The following IFI16 variants were observed in gnomAD, a reference collection of about 807,000 sequenced individuals.
IFI16 encodes the protein gamma-interferon-inducible protein 16.
A neutral mutation model predicts 68.4 loss-of-function variants in IFI16; 49 were observed. The observed-to-expected ratio is 0.72, with a 90% confidence interval of 0.57 to 0.91. The LOEUF (loss-of-function observed/expected upper bound fraction) is 0.91, where lower values mean the gene tolerates loss of function less well. Ranked by LOEUF, IFI16 falls within the 40% of genes least tolerant of loss-of-function variation. The pLI is 0.00. For missense variants in IFI16, 878 were observed against 942.9 expected (o/e 0.93, Z 0.90); for synonymous variants, 307 against 315.0 (o/e 0.97, Z 0.27).
chr1:159,008,652 G>A (rs899282419), upstream of IFI16, among the ~76,000 whole-genome samples: 3 of 152,054 alleles, frequency 2.0e-5, no homozygotes, highest in African/African-American at 4.8e-5. Flanking sequence ...TCTACCTACT[G>A]CCTTAAGGCC....
intron 6 of IFI16, among the ~76,000 whole-genome samples, chr1:159,027,136 T>C (rs1101994): frequency 0.66 from 99,872 of 152,110 alleles, 36,768 homozygotes; most frequent in Admixed American, 0.81. Flanking sequence ...AATTTTTCCC[T>C]GACCAGTATA....
chr1:159,022,120 C>T (rs1323271962), intron 6 of IFI16, among the ~76,000 whole-genome samples: 2 of 151,892 alleles, frequency 1.3e-5, no homozygotes, highest in Non-Finnish European at 2.9e-5. Flanking sequence ...CCCGCCACCG[C>T]CCCCGGCTAA....
Position 159,015,877 on chromosome 1 carries a change from G to C in IFI16, c.271G>C (p.Gly91Arg), listed in dbSNP as rs764617522. 1 of 1,610,386 alleles carries C rather than the reference G, an allele frequency of 6.2e-7. No individual in the cohort carries two copies. The highest frequency in any genetic ancestry group is 1.3e-5 in the African/African-American group (1 of 74,842). ...TAAAATTGAATCTATTCCAGTAAAA[G>C]GACCAGCCCTATCAAGAAAGAGGAA... is the stretch of plus-strand genomic sequence containing the variant. Reference protein sequence around the residue: ...TLKKEKLKVKGPALSRKRKKE... With the variant: ...TLKKEKLKVKRPALSRKRKKE... Residue 91 changes from glycine to arginine, a missense_variant, in exon 3 of 12, where the codon GGA becomes CGA. Coordinates refer to ENST00000295809, the MANE Select transcript of IFI16 (RefSeq NM_001376587.1).
In IFI16 at chr1:159,016,649, C is replaced by A. The variant is rs770141510; in HGVS notation, c.498C>A (p.Ser166=). 5 of 1,614,152 alleles carry A rather than the reference C, an allele frequency of 3.1e-6. No homozygotes were observed. The Admixed American group carries it at 8.3e-5, about 27-fold the overall frequency. ...GCATGTCCACAGCCATGGGCCGTTC[C>A]CCATCTCCCAAGACCTCATTGTCAG... is the stretch of plus-strand genomic sequence containing the variant. ...GAGMSTAMGR[S]PSPKTSLSAP... Residue 166 remains serine (S), a synonymous_variant, in exon 4 of 12, where the codon TCC becomes TCA. Transcript: ENST00000295809.
intron 7 of IFI16, among the ~76,000 whole-genome samples, chr1:159,041,991 A>C (rs554696537): frequency 1.4e-4 from 21 of 152,308 alleles, no homozygotes; most frequent in Admixed American, 4.6e-4. Context: ...CAACCCTTCT[A>C]AATAAGCAAT....
chr1:159,042,898 AAGGCAAATGGGC>A (rs1654748686), intron 7 of IFI16, among the ~76,000 whole-genome samples: 1 of 152,196 alleles, frequency 6.6e-6, no homozygotes, highest in Admixed American at 6.5e-5. Context: ...GCCTATACCC[AAGGCAAATGGGC>A]AGGGAAGGTA....
upstream of IFI16, chr1:159,005,825 T>A (rs1057344447): frequency 1.3e-5 from 2 of 152,232 alleles, no homozygotes; most frequent in Non-Finnish European, 2.9e-5. Context: ...GTGGAACAGA[T>A]TGAAGGAAGC....
At position 159,020,533 on chromosome 1, in the gene IFI16, A is replaced by G; in HGVS notation, c.1161+4A>G. On this transcript the variant is annotated splice_donor_region_variant and intron_variant, in intron 6 of 11. Coordinates refer to ENST00000295809, the MANE Select transcript of IFI16 (RefSeq NM_001376587.1). ...AGAAATGCATAGTTTTATCCAGGTA[A>G]GAATTAAATAGGCAAATATTAGTTT... 6.3e-7 allele frequency: 1 copy of G among 1,577,886 alleles called. No individual in the cohort carries two copies. Among genetic ancestry groups the G allele is most frequent in the Non-Finnish European group, 8.6e-7 (1 of 1,156,386 alleles).
chr1:159,018,213 G>A lies in IFI16; in HGVS notation c.550-16G>A. ...ATTAGACATTTTTCTTTGTTCTCCT[G>A]TGCTATCATACACAGAACCCGAAAA... On this transcript the variant is annotated splice_polypyrimidine_tract_variant and intron_variant, in intron 4 of 11. Transcript: ENST00000295809. 3 of 1,606,490 alleles carry A rather than the reference G, an allele frequency of 1.9e-6. No individual in the cohort carries two copies. The highest frequency in any genetic ancestry group is 2.6e-6 in the Non-Finnish European group (3 of 1,175,266).
intron 6 of IFI16, among the ~76,000 whole-genome samples, chr1:159,030,512 C>G (rs983296082): frequency 6.6e-6 from 1 of 152,150 alleles, no homozygotes; most frequent in Non-Finnish European, 1.5e-5. Context: ...GTGCTCTCCC[C>G]CTTCTCCAAA....
In IFI16 at chr1:159,032,564, G is replaced by C; in HGVS notation, c.1202G>C (p.Ser401Thr). 6.2e-7 allele frequency: 1 copy of C among 1,609,878 alleles called. No individual in the cohort carries two copies. Among genetic ancestry groups the C allele is most frequent in the Non-Finnish European group, 8.5e-7 (1 of 1,177,960 alleles). The change falls in exon 7 of 12, where the codon AGC becomes ACC. Residue 401 changes from serine (S) to threonine (T), a missense_variant. Ser to Thr is a moderately conservative substitution (Grantham distance 58, BLOSUM62 1). Transcript: ENST00000295809. ...AACCCGAGAAACAATGACCCCAAGA[G>C]CATGAAGCTACCCCAGGAACAGCGT... ...KTNPRNNDPK[S>T]MKLPQEQRQL... is the part of the protein sequence containing the mutation.
chr1:159,026,590 C>A (rs1321957929), intron 6 of IFI16, among the ~76,000 whole-genome samples: 1 of 152,068 alleles, frequency 6.6e-6, no homozygotes, highest in Admixed American at 6.5e-5. Context: ...TGAGCCACTG[C>A]GCCCGGCCAA....
At chr1:159,022,211 G>C (rs1453811946) in intron 6 of IFI16, among the ~76,000 whole-genome samples, 1 of 151,984 alleles carries the variant, frequency 6.6e-6, no homozygotes, top group Non-Finnish European at 1.5e-5. Context: ...TGATCCGCCC[G>C]CCTCGGCCTC....
chr1:159,013,098 G>C (rs1311039433), intron 1 of IFI16, among the ~76,000 whole-genome samples: 1 of 147,158 alleles, frequency 6.8e-6, no homozygotes, highest in Non-Finnish European at 1.5e-5. Flanking sequence ...TTTTTGTATA[G>C]ATTTTCCCTT....
intron 7 of IFI16, among the ~76,000 whole-genome samples, chr1:159,042,491 T>A (rs1441305879): frequency 6.6e-6 from 1 of 152,208 alleles, no homozygotes; most frequent in Non-Finnish European, 1.5e-5. Flanking sequence ...GTATCCATGC[T>A]CTTAACCACA....
intron 7 of IFI16, among the ~76,000 whole-genome samples, chr1:159,041,249 A>G (rs1654619203): frequency 6.6e-6 from 1 of 152,222 alleles, no homozygotes; most frequent in African/African-American, 2.4e-5. Context: ...GATTTTGCAG[A>G]CACTCTCTGT....
At chr1:159,023,589 G>A (rs1653470576) in intron 6 of IFI16, among the ~76,000 whole-genome samples, 3 of 152,098 alleles carry the variant, frequency 2.0e-5, no homozygotes, top group African/African-American at 7.2e-5. Context: ...AAGGACTCAT[G>A]AGGAGTTTCC....
chr1:159,015,870 A>G lies in IFI16; in HGVS notation c.266-2A>G, dbSNP rs1429926649. 13 of 1,603,054 alleles carry G rather than the reference A, an allele frequency of 8.1e-6. No homozygotes were observed. The highest frequency in any genetic ancestry group is 1.1e-5 in the Non-Finnish European group (13 of 1,170,468). On this transcript the variant is annotated splice_acceptor_variant, in intron 2 of 11. Coordinates refer to ENST00000295809, the MANE Select transcript of IFI16 (RefSeq NM_001376587.1). LOFTEE classifies it high-confidence loss of function. Reference sequence around the variant, plus strand: ...TTGGGAATAAAATTGAATCTATTCCAGTAAAAGGACCAGCCCTATCAAGAA... The same window carrying G: ...TTGGGAATAAAATTGAATCTATTCCGGTAAAAGGACCAGCCCTATCAAGAA...
chr1:159,015,805 G>C, intron 2 of IFI16, 67 bp from the exon 3 acceptor site: 1 of 1,157,508 alleles, frequency 8.6e-7, no homozygotes. Context: ...TGCTTCAGCT[G>C]TCGGAGATCG....
Sources: allele counts gnomAD v4.1 joint callset (sites outside exome capture counted in the v4.1 genomes callset), GRCh38; gene constraint gnomAD v4.1.1; transcripts MANE v1.5; gene names NCBI Gene and HGNC (gene_info 2026-07-23, HGNC 2026-07-21).